IQANK1: variants seen among roughly 807,000 people sequenced by gnomAD.
The protein encoded by IQANK1 is IQ motif and ankyrin repeat containing 1, also known as IQ motif and ankyrin repeat domain-containing protein 1.
In IQANK1, 30 loss-of-function variants were observed where a neutral mutation model predicts 22.6. That is an observed-to-expected ratio of 1.33 (90% CI 0.99 to 1.80). The LOEUF (loss-of-function observed/expected upper bound fraction) is 1.80, where lower values mean the gene tolerates loss of function less well. IQANK1 is among the 40% of genes most tolerant of loss of function. The probability of loss-of-function intolerance (pLI) is 0.00; values close to 1 mark genes in which losing one functional copy is unlikely to be tolerated. For missense variants in IQANK1, 275 were observed against 235.2 expected, an observed-to-expected ratio of 1.17 and a Z score of -1.11; for synonymous variants, 122 against 99.6, an observed-to-expected ratio of 1.23 and a Z score of -1.34.
Position 143,760,037 on chromosome 8 carries a change from C to T in IQANK1, c.176-11451C>T, listed in dbSNP as rs576949930. On this transcript the variant is annotated intron_variant, in intron 3 of 13. Transcript: ENST00000527139. Reference sequence around the variant, plus strand: ...CATGATCCCTGACCGTCAGCCACCACTTTGACTGGTGGACCACCATGGTGT... The same window carrying T: ...CATGATCCCTGACCGTCAGCCACCATTTTGACTGGTGGACCACCATGGTGT... 4.6e-5 allele frequency among the ~76,000 whole-genome samples: 7 copies of T among 152,318 alleles called. No homozygotes were observed. The South Asian group carries it at 1.4e-3, about 32-fold the overall frequency.
intron 3 of IQANK1, among the ~76,000 whole-genome samples, chr8:143,740,540 C>T (rs1051585482): frequency 2.0e-5 from 3 of 152,264 alleles, no homozygotes; most frequent in Non-Finnish European, 2.9e-5. Context: ...CGCTGCCTGC[C>T]CTCCTGCTTC....
intron 3 of IQANK1, chr8:143,742,058 CG>C (rs1403186320): frequency 3.4e-6 from 1 of 297,766 alleles, no homozygotes; most frequent in Non-Finnish European, 6.7e-6. Flanking sequence ...TCTGTGCCCT[CG>C]CTGCGGCCGA....
At chr8:143,736,657 C>A (rs111469732) in intron 2 of IQANK1, among the ~76,000 whole-genome samples, 7,531 of 152,156 alleles carry the variant, frequency 0.049, 642 homozygotes, top group African/African-American at 0.17. Context: ...TCCATCTGGG[C>A]CATCCTGTGC....
intron 2 of IQANK1, among the ~76,000 whole-genome samples, chr8:143,736,690 T>A (rs549363383): frequency 6.6e-6 from 1 of 152,238 alleles, no homozygotes; most frequent in East Asian, 1.9e-4. Flanking sequence ...GCGGCTTTGC[T>A]CCCAGTCACC....
At chr8:143,779,141 T>C (rs549767590) in intron 7 of IQANK1, among the ~76,000 whole-genome samples, 6 of 152,166 alleles carry the variant, frequency 3.9e-5, no homozygotes, top group Non-Finnish European at 5.9e-5. Context: ...TAAACATATA[T>C]AAATTTATAA....
chr8:143,788,369 G>A (rs1387389262), intron 7 of IQANK1, among the ~76,000 whole-genome samples: 1 of 152,216 alleles, frequency 6.6e-6, no homozygotes. Context: ...CTCACCCGGC[G>A]CAGCTGGGCT....
Position 143,771,452 on chromosome 8 carries a change from C to A in IQANK1, c.176-36C>A, listed in dbSNP as rs1411061459. On this transcript the variant is annotated intron_variant, in intron 3 of 13. Coordinates refer to ENST00000527139, the MANE Select transcript of IQANK1 (RefSeq NM_001381874.1). The surrounding 1 kb of genome is among the most constrained non-coding windows in gnomAD (Gnocchi z 6.0). ...GGGGCGCAGCAGGCGTGGCTGGAGG[C>A]GAGAACGCGCCCCCGTGAGCCTCTC... is the stretch of plus-strand genomic sequence containing the variant. The A allele has an allele frequency of 2.0e-5, 8 of 396,740 alleles. No homozygotes were observed. Among genetic ancestry groups the A allele is most frequent in the Non-Finnish European group, 3.1e-5 (7 of 225,056 alleles). The allele number at this position is 396,740 out of a possible 1,614,324, so 24.6% of individuals were successfully genotyped here.
chr8:143,751,664 G>GTATATATA (rs71318622), intron 3 of IQANK1, among the ~76,000 whole-genome samples: 916 of 61,532 alleles, frequency 0.015, 56 homozygotes, highest in African/African-American at 0.038. Flanking sequence ...GTGTGTGTGT[G>GTATATATA]TATATATATA....
At chr8:143,773,944 C>A (rs1381668647) in intron 7 of IQANK1, among the ~76,000 whole-genome samples, 1 of 152,046 alleles carries the variant, frequency 6.6e-6, no homozygotes, top group Non-Finnish European at 1.5e-5. Context: ...GCTGGGGGAG[C>A]CCTTGGGTGC....
Position 143,749,582 on chromosome 8 carries a change from AT to A in IQANK1, c.175+9638del, listed in dbSNP as rs1554627816. Reference sequence around the variant, plus strand: ...TCATATATATCAATCATATATATATATTTTATTTATTTATTTATTTTTTTTT... The same window carrying A: ...TCATATATATCAATCATATATATATATTTATTTATTTATTTATTTTTTTTT... On this transcript the variant is annotated intron_variant, in intron 3 of 13. Transcript: ENST00000527139. Among the ~76,000 whole-genome samples, 17 of 129,436 alleles carry A rather than the reference AT, an allele frequency of 1.3e-4. No homozygotes were observed. The East Asian group carries it at 3.1e-3, about 24-fold the overall frequency. The allele number at this position is 129,436 out of a possible 152,430, so 84.9% of individuals were successfully genotyped here. A position where few individuals can be genotyped will look rare whatever the true frequency, so the allele number is the denominator to read the frequency against.
chr8:143,776,714 T>A (rs1819693039), intron 7 of IQANK1, among the ~76,000 whole-genome samples: 1 of 152,156 alleles, frequency 6.6e-6, no homozygotes, highest in Non-Finnish European at 1.5e-5. Flanking sequence ...ATGGACACGA[T>A]CCCCTTTGGT....
In IQANK1 at chr8:143,735,313, G is replaced by A. The variant is rs1554625501; in HGVS notation, c.-4-537G>A. Among the ~76,000 whole-genome samples the A allele has an allele frequency of 6.6e-6, 1 of 152,132 alleles. No homozygotes were observed. Among genetic ancestry groups the A allele is most frequent in the East Asian group, 1.9e-4 (1 of 5,174 alleles). Reference sequence around the variant, plus strand: ...GTCAGCTGTGTGGACTAGGGAGAGGGGTGTTGCTCCAGGGCCTGACACCAC... The same window carrying A: ...GTCAGCTGTGTGGACTAGGGAGAGGAGTGTTGCTCCAGGGCCTGACACCAC... On this transcript the variant is annotated intron_variant, in intron 1 of 13. Transcript: ENST00000527139. This position sits in a 1 kb window ranked among gnomAD's most constrained non-coding sequence, Gnocchi z 5.2.
chr8:143,767,097 G>A (rs542962611), intron 3 of IQANK1, among the ~76,000 whole-genome samples: 1 of 152,334 alleles, frequency 6.6e-6, no homozygotes, highest in East Asian at 1.9e-4. Flanking sequence ...TCCTCTCACC[G>A]AATTCTTCTT....
At chr8:143,768,861 T>A (rs934654165) in intron 3 of IQANK1, among the ~76,000 whole-genome samples, 6 of 152,158 alleles carry the variant, frequency 3.9e-5, no homozygotes, top group African/African-American at 1.4e-4. Flanking sequence ...TTTATGTGCA[T>A]CATCTGCAAA....
At chr8:143,759,005 C>G (rs139046755) in intron 3 of IQANK1, 109 of 194,334 alleles carry the variant, frequency 5.6e-4, no homozygotes, top group Non-Finnish European at 8.2e-4. Flanking sequence ...GGTGGGCTTT[C>G]TCCATAGCAA....
intron 3 of IQANK1, chr8:143,744,054 G>A (rs781807818): frequency 1.8e-5 from 5 of 274,284 alleles, no homozygotes; most frequent in Admixed American, 5.1e-5. Context: ...GGATGGTCTC[G>A]ATCTCTTGAC....
intron 3 of IQANK1, among the ~76,000 whole-genome samples, chr8:143,770,919 C>T (rs1194904049): frequency 6.6e-6 from 1 of 152,244 alleles, no homozygotes; most frequent in African/African-American, 2.4e-5. Context: ...CCCTCTCCTC[C>T]GCCCCCTCCT....
intron 7 of IQANK1, among the ~76,000 whole-genome samples, chr8:143,775,823 C>CACACACACACACACACACACA (rs57293834): frequency 2.1e-5 from 3 of 140,860 alleles, no homozygotes; most frequent in African/African-American, 6.3e-5. Flanking sequence ...CACACACACA[C>CACACACACACACACACACACA]CATTCCTAAA....
chr8:143,778,139 G>A (rs1819726587), intron 7 of IQANK1, among the ~76,000 whole-genome samples: 1 of 151,838 alleles, frequency 6.6e-6, no homozygotes, highest in African/African-American at 2.4e-5. Context: ...AGCTTGCAGT[G>A]AGCCAAGATC....
Sources: allele counts gnomAD v4.1 joint callset (sites outside exome capture counted in the v4.1 genomes callset), GRCh38; gene constraint gnomAD v4.1.1; non-coding constraint Gnocchi (gnomAD v3.1); transcripts MANE v1.5; gene names NCBI Gene and HGNC (gene_info 2026-07-23, HGNC 2026-07-21).